Variants in MET observed in about 807,000 individuals in gnomAD.
The protein encoded by MET is MET proto-oncogene, receptor tyrosine kinase, also known as hepatocyte growth factor receptor.
In MET, 48 loss-of-function variants were observed where a neutral mutation model predicts 133.1. That is an observed-to-expected ratio of 0.36 (90% confidence interval 0.29 to 0.46). MET has a LOEUF of 0.46. Among genes scored for constraint, MET ranks in the 20% least tolerant of loss-of-function variants. MET has a pLI of 1.00. For synonymous variants in MET, 628 were observed against 616.5 expected, an observed-to-expected ratio of 1.02 and a Z score of -0.28; for missense variants, 1,442 against 1,695.9, an observed-to-expected ratio of 0.85 and a Z score of 2.63.
intron 1 of MET, among the ~76,000 whole-genome samples, chr7:116,683,291 A>C (rs1020890008): frequency 2.6e-5 from 4 of 152,182 alleles, no homozygotes; most frequent in African/African-American, 7.2e-5. Context: ...GCTCCCACTT[A>C]TAAGTGAGAA....
chr7:116,708,113 G>A (rs1356043766), intron 2 of MET, among the ~76,000 whole-genome samples: 5 of 152,108 alleles, frequency 3.3e-5, no homozygotes, highest in Non-Finnish European at 7.4e-5. Flanking sequence ...ATAGACTAGT[G>A]AAGATGACAG....
chr7:116,736,651 G>A (rs910435047), intron 3 of MET, among the ~76,000 whole-genome samples: 1 of 152,028 alleles, frequency 6.6e-6, no homozygotes, highest in Non-Finnish European at 1.5e-5. Context: ...TATCTACAAG[G>A]GGCTATGTGA....
rs965026667 is a variant in MET at position 116,796,817 on chromosome 7, C to A, written c.*693C>A. 1.7e-5 allele frequency: 3 copies of A among 180,334 alleles called. No individual in the cohort carries two copies. Among genetic ancestry groups the A allele is most frequent in the Non-Finnish European group, 2.4e-5 (2 of 84,472 alleles). 11.2% of individuals were successfully genotyped at this position (180,334 alleles called of 1,614,324 possible). A position where few individuals can be genotyped will look rare whatever the true frequency, so the allele number is the denominator to read the frequency against. On this transcript the variant is annotated 3_prime_UTR_variant, in exon 21 of 21. Transcript: ENST00000397752. ...TATTTTTTGTAGAGACGGGGTTTTG[C>A]CATGTTGCCAAGGCTGGTTTCAAAC...
rs1288860579 is a variant in MET, at chr7:116,771,514, C to T, written c.2747C>T (p.Ser916Phe). The T allele has an allele frequency of 1.2e-6, 2 of 1,613,774 alleles. No homozygotes were observed. The highest frequency in any genetic ancestry group is 1.7e-4 in the Middle Eastern group (1 of 6,052). The change falls in exon 13 of 21, where the codon TCT (serine) becomes TTT (phenylalanine). Residue 916 changes from serine (S) to phenylalanine (F), a missense_variant. Transcript: ENST00000397752. ...CATTTTTAGTGGAAGCAAGCAATTTCTTCAACCGTCCTTGGAAAAGTAATA... is the reference window on the plus strand; with the variant it reads ...CATTTTTAGTGGAAGCAAGCAATTTTTTCAACCGTCCTTGGAAAAGTAATA... The part of the protein sequence containing the change: ...ELNIEWKQAI[S>F]STVLGKVIVQ...
chr7:116,795,128 GT>G (rs375566772), intron 19 of MET, among the ~76,000 whole-genome samples: 13 of 152,026 alleles, frequency 8.6e-5, no homozygotes, highest in African/African-American at 2.2e-4. Context: ...TTGCCTTGCA[GT>G]TTTTTTTATT....
chr7:116,710,749 G>T (rs777366204), intron 2 of MET, among the ~76,000 whole-genome samples: 9 of 151,908 alleles, frequency 5.9e-5, no homozygotes, highest in Non-Finnish European at 1.3e-4. Flanking sequence ...GGTAACCATG[G>T]TGTTAACTAT....
chr7:116,740,340 C>T (rs938815885), intron 4 of MET, among the ~76,000 whole-genome samples: 1 of 152,140 alleles, frequency 6.6e-6, no homozygotes, highest in African/African-American at 2.4e-5. Flanking sequence ...AATAAACACA[C>T]AGAATGAGAA....
At chr7:116,769,344 G>A (rs1794752714) in intron 11 of MET, among the ~76,000 whole-genome samples, 1 of 152,202 alleles carries the variant, frequency 6.6e-6, no homozygotes, top group South Asian at 2.1e-4. Context: ...CAATGGTGAG[G>A]TGATGATAGG....
At chr7:116,731,598 A>G (rs1793004908) in intron 2 of MET, 70 bp from the exon 3 acceptor site, 1 of 1,515,198 alleles carries the variant, frequency 6.6e-7, no homozygotes, top group Non-Finnish European at 9.2e-7. Flanking sequence ...GAAAATACAC[A>G]CTGAAAGGTT....
chr7:116,753,896 G>A (rs1327497989), intron 5 of MET, among the ~76,000 whole-genome samples: 1 of 152,160 alleles, frequency 6.6e-6, no homozygotes, highest in African/African-American at 2.4e-5. Flanking sequence ...TCATTTGTTA[G>A]TGCCTGGTGC....
At chr7:116,711,749 TG>T (rs919112304) in intron 2 of MET, among the ~76,000 whole-genome samples, 5 of 152,174 alleles carry the variant, frequency 3.3e-5, no homozygotes, top group African/African-American at 1.2e-4. Flanking sequence ...AAGTAATCTT[TG>T]TTAAGAGCAA....
At chr7:116,756,993 C>T (rs1794202768) in intron 6 of MET, among the ~76,000 whole-genome samples, 1 of 152,006 alleles carries the variant, frequency 6.6e-6, no homozygotes, top group South Asian at 2.1e-4. Flanking sequence ...CTTTGGCAGA[C>T]CAAGGCAGGA....
intron 2 of MET, among the ~76,000 whole-genome samples, chr7:116,728,903 G>A (rs902996863): frequency 6.6e-6 from 1 of 152,146 alleles, no homozygotes; most frequent in Non-Finnish European, 1.5e-5. Flanking sequence ...AAGTTCCCAG[G>A]ATGTCACCTA....
chr7:116,674,874 C>T (rs759987500), intron 1 of MET, among the ~76,000 whole-genome samples: 10 of 152,140 alleles, frequency 6.6e-5, no homozygotes, highest in African/African-American at 9.7e-5. Flanking sequence ...CTTTCTTTTC[C>T]GTGGTCTAAA....
At position 116,683,881 on chromosome 7, in the gene MET, T is replaced by C. The variant is rs547284035; in HGVS notation, c.-15+11304T>C. On this transcript the variant is annotated intron_variant, in intron 1 of 20. Transcript: ENST00000397752. ...ACATAAAGGTTAGATTCTAGTCTTCTGTAAGGCTCCATCTGAATTCCTCCT... is the reference window on the plus strand; with the variant it reads ...ACATAAAGGTTAGATTCTAGTCTTCCGTAAGGCTCCATCTGAATTCCTCCT... 1.0e-4 allele frequency among the ~76,000 whole-genome samples: 16 copies of C among 152,382 alleles called. No homozygotes were observed. In the East Asian group the frequency reaches 1.3e-3, roughly 13 times the overall value.
intron 10 of MET, among the ~76,000 whole-genome samples, chr7:116,759,793 T>C (rs189762447): frequency 1.4e-3 from 217 of 152,308 alleles, no homozygotes; most frequent in African/African-American, 2.1e-3. Flanking sequence ...GAGGGTTTTT[T>C]TGAGACAGTA....
chr7:116,715,420 GTC>G (rs1184108013), intron 2 of MET, among the ~76,000 whole-genome samples: 1 of 152,188 alleles, frequency 6.6e-6, no homozygotes, highest in African/African-American at 2.4e-5. Context: ...AGTCCACCAT[GTC>G]TCTCTGTGTC....
Position 116,699,581 on chromosome 7 carries a change from T to G in MET, c.497T>G (p.Ile166Arg), listed in dbSNP as rs773830746. Reference protein sequence around the residue: ...SEVHCIFSPQIEEPSQCPDCV... With the variant: ...SEVHCIFSPQREEPSQCPDCV... Reference sequence around the variant, plus strand: ...GTTCACTGCATATTCTCCCCACAGATAGAAGAGCCCAGCCAGTGTCCTGAC... The same window carrying G: ...GTTCACTGCATATTCTCCCCACAGAGAGAAGAGCCCAGCCAGTGTCCTGAC... The change falls in exon 2 of 21, where the codon ATA becomes AGA. Residue 166 changes from isoleucine to arginine, a missense_variant. Physicochemically the swap from Ile to Arg is moderately conservative, Grantham distance 97. This residue lies in a region of MET where 762 missense variants were observed against 792.4 expected (regional missense o/e 0.96). Transcript: ENST00000397752. 3 of 1,613,970 alleles carry G rather than the reference T, an allele frequency of 1.9e-6. No homozygotes were observed. The highest frequency in any genetic ancestry group is 1.7e-4 in the Middle Eastern group (1 of 6,058).
intron 5 of MET, among the ~76,000 whole-genome samples, chr7:116,752,541 A>C (rs1352735958): frequency 6.6e-6 from 1 of 152,206 alleles, no homozygotes; most frequent in East Asian, 1.9e-4. Flanking sequence ...TGTAGTTCAC[A>C]ACTGCTTCCT....
Sources: gnomAD v4.1 joint callset for allele counts (sites outside exome capture counted in the v4.1 genomes callset) on GRCh38, gnomAD v4.1.1 for gene constraint, gnomAD v4.1.1 regional missense constraint, MANE v1.5 for transcripts, NCBI Gene and HGNC (gene_info 2026-07-23, HGNC 2026-07-21) for gene names.